GREB1L: variants seen among roughly 807,000 people sequenced by gnomAD.
The protein encoded by GREB1L is GREB1-like protein.
Under a neutral mutation model 200.8 loss-of-function variants are expected in GREB1L, and 17 were observed. The observed-to-expected ratio is 0.08, with a 90% CI of 0.06 to 0.13. The LOEUF (loss-of-function observed/expected upper bound fraction) is 0.13. GREB1L is among the 10% of genes least tolerant of loss of function. The probability of loss-of-function intolerance (pLI) is 1.00; values close to 1 mark genes in which losing one functional copy is unlikely to be tolerated. For missense variants in GREB1L, 1,657 were observed against 2,367.7 expected (o/e 0.70, Z 6.23); for synonymous variants, 789 against 893.0 (o/e 0.88, Z 2.08).
At chr18:21,436,160 T>C (rs1264789697) in intron 7 of GREB1L, among the ~76,000 whole-genome samples, 1 of 152,196 alleles carries the variant, frequency 6.6e-6, no homozygotes, top group Admixed American at 6.5e-5. Flanking sequence ...AGTTCAATTT[T>C]AGAAATGCTG....
intron 4 of GREB1L, among the ~76,000 whole-genome samples, chr18:21,393,753 G>A (rs1381110338): frequency 5.3e-5 from 8 of 152,070 alleles, no homozygotes; most frequent in Admixed American, 1.3e-4. Flanking sequence ...TAATAGAGAA[G>A]GGTTTCACCA....
chr18:21,399,940 A>G (rs977183558), intron 5 of GREB1L, among the ~76,000 whole-genome samples: 3 of 152,140 alleles, frequency 2.0e-5, no homozygotes, highest in Non-Finnish European at 2.9e-5. Flanking sequence ...TTCTCTATTT[A>G]TATATCTTTG....
intron 7 of GREB1L, among the ~76,000 whole-genome samples, chr18:21,433,786 T>C (rs1341383237): frequency 6.6e-6 from 1 of 152,214 alleles, no homozygotes; most frequent in African/African-American, 2.4e-5. Context: ...TCCTGTTCCT[T>C]AGAGCATGCT....
intron 1 of GREB1L, among the ~76,000 whole-genome samples, chr18:21,267,117 A>G (rs553947867): frequency 6.6e-6 from 1 of 150,812 alleles, no homozygotes; most frequent in African/African-American, 2.4e-5. Flanking sequence ...TATGTTTAGT[A>G]GAGACAGGGT....
chr18:21,328,272 T>C (rs192527492), intron 1 of GREB1L, among the ~76,000 whole-genome samples: 212 of 152,302 alleles, frequency 1.4e-3, no homozygotes, highest in African/African-American at 4.9e-3. Flanking sequence ...TGTGAACTTC[T>C]GGATAGTGTA....
At chr18:21,325,035 A>G (rs73962945) in intron 1 of GREB1L, among the ~76,000 whole-genome samples, 1,537 of 152,300 alleles carry the variant, frequency 0.01, 33 homozygotes, top group African/African-American at 0.035. Context: ...CTGGAATTTC[A>G]GAAAGATTTT....
chr18:21,429,271 T>A (rs1297683057), intron 7 of GREB1L, among the ~76,000 whole-genome samples: 21 of 104,360 alleles, frequency 2.0e-4, no homozygotes, highest in African/African-American at 7.8e-4. Flanking sequence ...TCCTCTCCTC[T>A]CCTCTCCTCT....
intron 1 of GREB1L, among the ~76,000 whole-genome samples, chr18:21,347,028 C>A (rs1294871985): frequency 6.6e-6 from 1 of 152,180 alleles, no homozygotes; most frequent in Non-Finnish European, 1.5e-5. Context: ...GGGACATTTT[C>A]ATTCCTGATC....
At chr18:21,359,910 A>C (rs1302664990) in intron 1 of GREB1L, among the ~76,000 whole-genome samples, 1 of 152,194 alleles carries the variant, frequency 6.6e-6, no homozygotes, top group Non-Finnish European at 1.5e-5. Context: ...ATCATCTCAA[A>C]TGTGTCATCT....
intron 10 of GREB1L, among the ~76,000 whole-genome samples, chr18:21,443,584 A>T (rs2034033818): frequency 6.6e-6 from 1 of 152,216 alleles, no homozygotes; most frequent in South Asian, 2.1e-4. Flanking sequence ...ATATTTTATC[A>T]TTGCAGTTTT....
intron 2 of GREB1L, among the ~76,000 whole-genome samples, chr18:21,375,773 T>A (rs1352718404): frequency 6.6e-6 from 1 of 152,162 alleles, no homozygotes; most frequent in Admixed American, 6.5e-5. Context: ...ATCTTGAAAA[T>A]GTGAGTAATA....
chr18:21,348,191 C>T (rs1174472962), intron 1 of GREB1L, among the ~76,000 whole-genome samples: 2 of 151,784 alleles, frequency 1.3e-5, no homozygotes, highest in African/African-American at 4.8e-5. Flanking sequence ...GTGTTCCGCC[C>T]GCCTGAGCCT....
chr18:21,453,513 C>T (rs1004429824), intron 14 of GREB1L, among the ~76,000 whole-genome samples: 4 of 152,252 alleles, frequency 2.6e-5, no homozygotes, highest in Admixed American at 6.5e-5. Flanking sequence ...TGCCTGCTCA[C>T]GTGTTTAGCT....
chr18:21,523,081 A>G lies in GREB1L; in HGVS notation c.*260A>G, dbSNP rs1051059071. ...CAATTACTTAAGATACGGTCTGCCC[A>G]TGGGATCCTGAGGAGGATATACTTT... On this transcript the variant is annotated 3_prime_UTR_variant, in exon 33 of 33. Coordinates refer to ENST00000424526, the MANE Select transcript of GREB1L (RefSeq NM_001142966.3). 23 of 339,332 alleles carry G rather than the reference A, an allele frequency of 6.8e-5. No individual in the cohort carries two copies. Among genetic ancestry groups the G allele is most frequent in the African/African-American group, 2.1e-5 (1 of 47,228 alleles). 21.0% of individuals were successfully genotyped at this position (339,332 alleles called of 1,614,324 possible).
chr18:21,336,599 A>G (rs2039189162), intron 1 of GREB1L, among the ~76,000 whole-genome samples: 1 of 152,240 alleles, frequency 6.6e-6, no homozygotes, highest in African/African-American at 2.4e-5. Flanking sequence ...GAATAAGCAC[A>G]TAAATTCTGC....
chr18:21,508,756 T>G, intron 27 of GREB1L, 165 bp downstream of exon 27: 2 of 648,416 alleles, frequency 3.1e-6, no homozygotes, highest in Non-Finnish European at 5.3e-6. Flanking sequence ...TCCCTTGAAT[T>G]TGAGTTTTCT....
At chr18:21,354,477 A>G (rs2143392266) in intron 1 of GREB1L, among the ~76,000 whole-genome samples, 1 of 152,350 alleles carries the variant, frequency 6.6e-6, no homozygotes, top group Non-Finnish European at 1.5e-5. Context: ...GTTGGTGGGT[A>G]CTACAGTAGG....
In GREB1L at chr18:21,408,358, C is replaced by T. The variant is rs181703300; in HGVS notation, c.832+4364C>T. On this transcript the variant is annotated intron_variant, in intron 7 of 32. Transcript: ENST00000424526. Reference sequence around the variant, plus strand: ...TATTAACACCCAGAATTTACAAAAGCTCTTACAGCTTAATAAGATGACAGT... The same window carrying T: ...TATTAACACCCAGAATTTACAAAAGTTCTTACAGCTTAATAAGATGACAGT... Among the ~76,000 whole-genome samples the T allele has an allele frequency of 1.6e-3, 241 of 152,250 alleles. 2 individuals are homozygous for T. Among genetic ancestry groups the T allele is most frequent in the South Asian group, 0.012 (60 of 4,820 alleles).
At chr18:21,494,942 T>A (rs940370524) in intron 19 of GREB1L, among the ~76,000 whole-genome samples, 8 of 152,248 alleles carry the variant, frequency 5.3e-5, no homozygotes, top group African/African-American at 1.9e-4. Flanking sequence ...GATATGTATG[T>A]CTATGTATAT....
Sources: allele counts gnomAD v4.1 joint callset (sites outside exome capture counted in the v4.1 genomes callset), GRCh38; gene constraint gnomAD v4.1.1; transcripts MANE v1.5; gene names NCBI Gene and HGNC (gene_info 2026-07-23, HGNC 2026-07-21).